The following DNAAF10 variants were observed in gnomAD, a reference collection of about 807,000 sequenced individuals.
The protein encoded by DNAAF10 is dynein axonemal assembly factor 10.
In DNAAF10, 28 loss-of-function variants were observed where a neutral mutation model predicts 43.7. The observed-to-expected ratio is 0.64, with a 90% confidence interval of 0.48 to 0.88. The LOEUF (loss-of-function observed/expected upper bound fraction) is 0.88, where lower values mean the gene tolerates loss of function less well. Among genes scored for constraint, DNAAF10 ranks in the 40% least tolerant of loss-of-function variants. The probability of loss-of-function intolerance (pLI) is 0.00; values close to 1 mark genes in which losing one functional copy is unlikely to be tolerated. For synonymous variants in DNAAF10, 156 were observed against 157.3 expected, an observed-to-expected ratio of 0.99 and a Z score of 0.06; for missense variants, 403 against 439.1, an observed-to-expected ratio of 0.92 and a Z score of 0.73.
chr2:68,131,477 T>C (rs1227894782), intron 7 of DNAAF10, 32 bp from the exon 8 acceptor site: 3 of 1,599,594 alleles, frequency 1.9e-6, no homozygotes, highest in Non-Finnish European at 2.6e-6. Context: ...TAAGAGCGCA[T>C]AAATCTTAGC....
Position 68,138,767 on chromosome 2 carries a change from C to T in DNAAF10, c.608G>A (p.Arg203Gln), listed in dbSNP as rs139513052. 5.0e-6 allele frequency: 8 copies of T among 1,613,742 alleles called. No homozygotes were observed. In the African/African-American group the frequency reaches 8.0e-5, roughly 16 times the overall value. ...CCCATTTTTGATGTTTGTCTCCCAC[C>T]GTAATGCCATATTTCTGAGATCAAA... Reference protein sequence around the residue: ...KLFDLRNMALRWETNIKNGVC... With the variant: ...KLFDLRNMALQWETNIKNGVC... The change falls in exon 5 of 8, where the codon CGG (arginine) becomes CAG (glutamine). Residue 203 changes from arginine to glutamine, a missense_variant. Arg to Gln is a conservative substitution (Grantham distance 43, BLOSUM62 1). Coordinates refer to ENST00000295121, the MANE Select transcript of DNAAF10 (RefSeq NM_138458.4).
At chr2:68,157,178 G>A (rs1395105261) in intron 1 of DNAAF10, 83 bp downstream of exon 1, 4 of 1,505,568 alleles carry the variant, frequency 2.7e-6, no homozygotes, top group African/African-American at 1.4e-5. Context: ...GACGCTGGGC[G>A]AAGGCTCTGG....
In DNAAF10 at chr2:68,134,720, C is replaced by T. The variant is rs866212430; in HGVS notation, c.848G>A (p.Gly283Asp). Residue 283 changes from glycine (G) to aspartate (D), a missense_variant, in exon 7 of 8, where the codon GGC becomes GAC. Transcript: ENST00000295121. ...ELFLTAGGAG[G>D]LHLWKYEYPI... ...GACTTACTACTTCCAGAGGTGAAGG[C>T]CGCCGGCGCCTCCAGCTGTCAGAAA... is the stretch of plus-strand genomic sequence containing the variant. 2 of 1,609,248 alleles carry T rather than the reference C, an allele frequency of 1.2e-6. No individual in the cohort carries two copies. The highest frequency in any genetic ancestry group is 2.2e-5 in the East Asian group (1 of 44,676).
Position 68,142,689 on chromosome 2 carries a change from C to T in DNAAF10, c.416-894G>A, listed in dbSNP as rs866253572. Among the ~76,000 whole-genome samples, 8 of 151,810 alleles carry T rather than the reference C, an allele frequency of 5.3e-5. No individual in the cohort carries two copies. The East Asian group carries it at 7.7e-4, about 15-fold the overall frequency. ...TGTTTTAATTCATGTTATGGGACTA[C>T]TTACTAAAATAGTGTCACTACCTAC... On this transcript the variant is annotated intron_variant, in intron 3 of 7. Transcript: ENST00000295121.
chr2:68,137,932 T>C (rs1458907311), intron 5 of DNAAF10, among the ~76,000 whole-genome samples: 2 of 150,628 alleles, frequency 1.3e-5, no homozygotes, highest in East Asian at 3.9e-4. Flanking sequence ...CCCAGCACTT[T>C]GGGAGGCCAA....
At chr2:68,138,935 C>G (rs555483318) in intron 4 of DNAAF10, 78 bp from the exon 5 acceptor site, 7 of 1,005,966 alleles carry the variant, frequency 7.0e-6, no homozygotes, top group East Asian at 2.4e-5. Context: ...TCTTATGAAA[C>G]TAACATAAAA....
At chr2:68,150,840 T>C (rs1177174843) in intron 1 of DNAAF10, among the ~76,000 whole-genome samples, 1 of 152,236 alleles carries the variant, frequency 6.6e-6, no homozygotes, top group Non-Finnish European at 1.5e-5. Context: ...CTCTATCTAT[T>C]TATCTATCTC....
intron 7 of DNAAF10, 45 bp downstream of exon 7, chr2:68,134,657 C>A (rs768739429): frequency 1.3e-6 from 2 of 1,590,908 alleles, no homozygotes; most frequent in Non-Finnish European, 1.7e-6. Context: ...CTACTTTACA[C>A]CCACAGGTAA....
intron 1 of DNAAF10, among the ~76,000 whole-genome samples, chr2:68,150,448 T>C (rs1673426028): frequency 6.6e-6 from 1 of 152,200 alleles, no homozygotes; most frequent in African/African-American, 2.4e-5. Flanking sequence ...TTAAAAAAAC[T>C]TGGACTGTGT....
rs192893886 is a variant in DNAAF10, at chr2:68,157,089, G to A, written c.183+172C>T. ...GGAGGAACTACCCCGCGGATGAGAA[G>A]AAAGGTTTTAAATAGGAAACATTCC... On this transcript the variant is annotated intron_variant, in intron 1 of 7. Transcript: ENST00000295121. 8.0e-4 allele frequency: 743 copies of A among 934,284 alleles called. 1 individual carries two copies. Among genetic ancestry groups the A allele is most frequent in the Middle Eastern group, 1.4e-3 (4 of 2,958 alleles). The allele number at this position is 934,284 out of a possible 1,614,324, so 57.9% of individuals were successfully genotyped here.
intron 1 of DNAAF10, among the ~76,000 whole-genome samples, chr2:68,156,474 A>G (rs1673617741): frequency 1.3e-5 from 2 of 152,214 alleles, no homozygotes; most frequent in South Asian, 2.1e-4. Flanking sequence ...GCTAGTTACT[A>G]TCATTATTCT....
At chr2:68,149,006 C>T (rs528858702) in intron 1 of DNAAF10, among the ~76,000 whole-genome samples, 1 of 152,290 alleles carries the variant, frequency 6.6e-6, no homozygotes, top group Admixed American at 6.5e-5. Context: ...GCAGTGTTCT[C>T]CAGTTTCCAG....
chr2:68,151,760 T>C (rs566774693), intron 1 of DNAAF10, among the ~76,000 whole-genome samples: 4 of 152,332 alleles, frequency 2.6e-5, no homozygotes, highest in South Asian at 4.1e-4. Context: ...TCTGGTGTCA[T>C]TGACATGCAA....
rs980750760 is a variant in DNAAF10, at chr2:68,131,139, C to T, written c.*99G>A. The T allele has an allele frequency of 2.3e-5, 28 of 1,196,342 alleles. No homozygotes were observed. The highest frequency in any genetic ancestry group is 8.9e-5 in the Admixed American group (5 of 56,120). The allele number at this position is 1,196,342 out of a possible 1,614,324, so 74.1% of individuals were successfully genotyped here. Reference sequence around the variant, plus strand: ...TTCACCATGTTAGCCAGGATGGTCTCGATCTCCTGACCTTCTGATCCACCC... The same window carrying T: ...TTCACCATGTTAGCCAGGATGGTCTTGATCTCCTGACCTTCTGATCCACCC... On this transcript the variant is annotated 3_prime_UTR_variant, in exon 8 of 8. Coordinates refer to ENST00000295121, the MANE Select transcript of DNAAF10 (RefSeq NM_138458.4).
intron 3 of DNAAF10, 39 bp downstream of exon 3, chr2:68,144,546 A>G: frequency 6.2e-7 from 1 of 1,603,004 alleles, no homozygotes; most frequent in Non-Finnish European, 8.5e-7. Flanking sequence ...GATTTCCATT[A>G]AAATAAATAA....
chr2:68,156,350 A>G, intron 1 of DNAAF10, among the ~76,000 whole-genome samples: 1 of 135,418 alleles, frequency 7.4e-6, no homozygotes, highest in African/African-American at 3.1e-5. Flanking sequence ...TTTGATCCCC[A>G]GAGTTAACCT....
rs200642044 is a variant in DNAAF10 at position 68,130,111 on chromosome 2, G to GATAC, written c.*1126_*1127insGTAT. 7.6e-6 allele frequency: 1 copy of GATAC among 131,862 alleles called. No homozygotes were observed. The highest frequency in any genetic ancestry group is 3.0e-5 in the African/African-American group (1 of 32,802). 8.2% of individuals were successfully genotyped at this position (131,862 alleles called of 1,614,324 possible). On this transcript the variant is annotated 3_prime_UTR_variant, in exon 8 of 8. Coordinates refer to ENST00000295121, the MANE Select transcript of DNAAF10 (RefSeq NM_138458.4). The stretch of plus-strand genomic sequence containing the variant: ...AGACCAACCGTGCCGTTTTGAGAGA[G>GATAC]AGAGATATATATATATATATTTGTT...
intron 4 of DNAAF10, among the ~76,000 whole-genome samples, chr2:68,141,128 A>T (rs1673167876): frequency 6.6e-6 from 1 of 152,230 alleles, no homozygotes; most frequent in South Asian, 2.1e-4. Flanking sequence ...TAGTCTTCCA[A>T]AGTCAATATT....
Position 68,131,209 on chromosome 2 carries a change from T to C in DNAAF10, c.*29A>G, listed in dbSNP as rs62145930. 674,439 of 1,611,172 alleles carry C rather than the reference T, an allele frequency of 0.42. 145,780 individuals carry two copies. The highest frequency in any genetic ancestry group is 0.64 in the South Asian group (57,896 of 91,006). ...CTGGGATTACAGGAGTGAGCCACCG[T>C]GCCCAGCCTCAAGTCCAAAGTCTTG... On this transcript the variant is annotated 3_prime_UTR_variant, in exon 8 of 8. Coordinates refer to ENST00000295121, the MANE Select transcript of DNAAF10 (RefSeq NM_138458.4).
Sources: gnomAD v4.1 joint callset for allele counts (sites outside exome capture counted in the v4.1 genomes callset) on GRCh38, gnomAD v4.1.1 for gene constraint, MANE v1.5 for transcripts, NCBI Gene and HGNC (gene_info 2026-07-23, HGNC 2026-07-21) for gene names.